Variants in TMEM35A observed in about 807,000 individuals in gnomAD.
TMEM35A encodes the protein nicotinic acetylcholine receptor chaperone.
For synonymous variants in TMEM35A, 50 were observed against 54.7 expected, an observed-to-expected ratio of 0.91 and a Z score of 0.38; for missense variants, 83 against 132.7, an observed-to-expected ratio of 0.63 and a Z score of 1.84.
intron 1 of TMEM35A, among the ~76,000 whole-genome samples, chrX:101,086,198 G>A (rs748379175): frequency 1.8e-5 from 2 of 111,511 alleles, no homozygotes; most frequent in African/African-American, 3.3e-5. Context: ...TCGGCTCACC[G>A]CAACCTCTGC....
At chrX:101,090,095 G>A (rs899273209) in intron 1 of TMEM35A, among the ~76,000 whole-genome samples, 1 of 110,051 alleles carries the variant, frequency 9.1e-6, no homozygotes, top group African/African-American at 3.3e-5. Flanking sequence ...GGTCTCTCCT[G>A]GTTTTCCTCC....
chrX:101,080,656 A>T (rs944258989), intron 1 of TMEM35A, among the ~76,000 whole-genome samples: 1 of 108,285 alleles, frequency 9.2e-6, no homozygotes, highest in African/African-American at 3.4e-5. Context: ...ACAGAGGGAC[A>T]GGGTGGAGGG....
rs2089333841 is a variant in TMEM35A, at chrX:101,094,753, G to A, written c.301G>A (p.Val101Met). 3 of 1,209,450 alleles carry A rather than the reference G, an allele frequency of 2.5e-6. No individual in the cohort carries two copies. The highest frequency in any genetic ancestry group is 3.4e-6 in the Non-Finnish European group (3 of 895,188). The stretch of plus-strand genomic sequence containing the variant: ...CTTCCTACTGTTGCTGGTGTTGGCT[G>A]TGCTCTTCTTCCACCAGCTGGTCGG... ...NFFLLLLVLA[V>M]LFFHQLVGDP... The change falls in exon 2 of 2, where the codon GTG (valine) becomes ATG (methionine). Residue 101 changes from valine (V) to methionine (M), a missense_variant. Transcript: ENST00000372930.
intron 1 of TMEM35A, among the ~76,000 whole-genome samples, chrX:101,082,133 C>CTTTTTTTTTTTTT: frequency 3.4e-4 from 7 of 20,461 alleles, no homozygotes; most frequent in Non-Finnish European, 4.6e-4. Context: ...TTCTTTCTTT[C>CTTTTTTTTTTTTT]TTTTTTTTTT....
intron 1 of TMEM35A, among the ~76,000 whole-genome samples, chrX:101,080,905 C>G (rs1348053029): frequency 1.8e-5 from 2 of 109,916 alleles, no homozygotes; most frequent in African/African-American, 6.6e-5. Context: ...ACCCTAAGTA[C>G]AGTGTTAGGC....
chrX:101,079,274 C>G, intron 1 of TMEM35A, 152 bp downstream of exon 1: 1 of 676,590 alleles, frequency 1.5e-6, no homozygotes, highest in Non-Finnish European at 2.2e-6. Flanking sequence ...TCGGAAGGAG[C>G]AGCTGGGCAA....
Position 101,095,746 on chromosome X carries a change from T to G in TMEM35A, c.*790T>G, listed in dbSNP as rs2089338490. ...AGCCCCACCTATTAAAACCCTTTAC[T>G]CACAGTTTGAAACTGAAGCAGTAAA... On this transcript the variant is annotated 3_prime_UTR_variant, in exon 2 of 2. Coordinates refer to ENST00000372930, the MANE Select transcript of TMEM35A (RefSeq NM_021637.3). 8.9e-6 allele frequency: 1 copy of G among 111,882 alleles called. No individual in the cohort carries two copies. Among genetic ancestry groups the G allele is most frequent in the South Asian group, 3.7e-4 (1 of 2,727 alleles). The allele number at this position is 111,882 out of a possible 1,213,427, so 9.2% of individuals were successfully genotyped here.
intron 1 of TMEM35A, among the ~76,000 whole-genome samples, chrX:101,088,772 G>A (rs185540472): frequency 1.5e-3 from 167 of 109,273 alleles, no homozygotes; most frequent in Middle Eastern, 4.8e-3. Flanking sequence ...TGGATGTGGG[G>A]TACATGCCTG....
chrX:101,084,166 C>T (rs1242127628), intron 1 of TMEM35A, among the ~76,000 whole-genome samples: 3 of 56,474 alleles, frequency 5.3e-5, no homozygotes, highest in African/African-American at 2.3e-4. Flanking sequence ...CCAGCCTGGG[C>T]AACAAGAGGG....
intron 1 of TMEM35A, among the ~76,000 whole-genome samples, chrX:101,090,327 A>ATTTTTT (rs1199957258): frequency 1.5e-5 from 1 of 66,246 alleles, no homozygotes; most frequent in Non-Finnish European, 3.1e-5. Flanking sequence ...TAATTTTTGT[A>ATTTTTT]TTTTTTTTTT....
chrX:101,092,878 TAAATA>T (rs1442927564), intron 1 of TMEM35A, among the ~76,000 whole-genome samples: 1 of 110,751 alleles, frequency 9.0e-6, no homozygotes, highest in Non-Finnish European at 1.9e-5. Context: ...TAAAAATAAA[TAAATA>T]AAATAAAATA....
chrX:101,084,543 T>G (rs2089301389), intron 1 of TMEM35A, among the ~76,000 whole-genome samples: 1 of 111,772 alleles, frequency 8.9e-6, no homozygotes, highest in Non-Finnish European at 1.9e-5. Flanking sequence ...TTTCAGAACA[T>G]TCCCATGTAA....
At chrX:101,089,397 A>G (rs953363123) in intron 1 of TMEM35A, among the ~76,000 whole-genome samples, 1 of 109,881 alleles carries the variant, frequency 9.1e-6, no homozygotes, top group Non-Finnish European at 1.9e-5. Context: ...TTATTTACCT[A>G]ATCAGTGAGT....
chrX:101,091,439 A>G (rs111315664), intron 1 of TMEM35A, among the ~76,000 whole-genome samples: 7,303 of 109,591 alleles, frequency 0.067, 638 homozygotes, highest in African/African-American at 0.23. Context: ...AATAGCTGGG[A>G]CTACAGGCAC....
At chrX:101,082,927 G>A (rs2089296905) in intron 1 of TMEM35A, among the ~76,000 whole-genome samples, 1 of 111,414 alleles carries the variant, frequency 9.0e-6, no homozygotes, top group African/African-American at 3.3e-5. Context: ...TTACAGGTGT[G>A]AGCCACCACC....
Position 101,078,908 on chromosome X carries a change from C to T in TMEM35A, c.-95C>T. 21 of 1,109,435 alleles carry T rather than the reference C, an allele frequency of 1.9e-5. No homozygotes were observed. The highest frequency in any genetic ancestry group is 2.6e-5 in the Non-Finnish European group (21 of 818,748). 91.4% of individuals were successfully genotyped at this position (1,109,435 alleles called of 1,213,427 possible). ...TTCTAGCTGCCTGCTGCCTCCGCAG[C>T]GTCCCCCCAGCTCTCCCTGTGCTAA... is the stretch of plus-strand genomic sequence containing the variant. On this transcript the variant is annotated 5_prime_UTR_variant, in exon 1 of 2. Transcript: ENST00000372930.
chrX:101,081,122 AAC>A (rs1368434294), intron 1 of TMEM35A, among the ~76,000 whole-genome samples: 1 of 112,838 alleles, frequency 8.9e-6, no homozygotes, highest in Non-Finnish European at 1.9e-5. Flanking sequence ...GATATAGTGT[AAC>A]ACAGCAATAT....
chrX:101,089,742 G>A (rs750040857), intron 1 of TMEM35A, among the ~76,000 whole-genome samples: 29 of 100,671 alleles, frequency 2.9e-4, no homozygotes, highest in African/African-American at 1.1e-3. Context: ...GTGACAGAAT[G>A]ACAGTCCATA....
chrX:101,079,287 G>C (rs1299051127), intron 1 of TMEM35A, among the ~76,000 whole-genome samples, 165 bp downstream of exon 1: 1 of 111,022 alleles, frequency 9.0e-6, no homozygotes, highest in Non-Finnish European at 1.9e-5. Flanking sequence ...CTGGGCAAGA[G>C]CGATTTCTTT....
Sources: gnomAD v4.1 joint callset for allele counts (sites outside exome capture counted in the v4.1 genomes callset) on GRCh38, gnomAD v4.1.1 for gene constraint, MANE v1.5 for transcripts, NCBI Gene and HGNC (gene_info 2026-07-23, HGNC 2026-07-21) for gene names.